RORA: variants seen among roughly 807,000 people sequenced by gnomAD.
The protein encoded by RORA is RAR related orphan receptor A.
A neutral mutation model predicts 69.5 loss-of-function variants in RORA; 7 were observed. The observed-to-expected ratio is 0.10, with a 90% CI of 0.06 to 0.19. RORA has a LOEUF of 0.19. RORA is among the 10% of genes least tolerant of loss of function. The pLI is 1.00. For missense variants in RORA, 457 were observed against 663.0 expected, an observed-to-expected ratio of 0.69 and a Z score of 3.41; for synonymous variants, 261 against 240.8, an observed-to-expected ratio of 1.08 and a Z score of -0.78.
chr15:60,714,303 C>T (rs972080471), intron 1 of RORA, among the ~76,000 whole-genome samples: 1 of 152,090 alleles, frequency 6.6e-6, no homozygotes, highest in Non-Finnish European at 1.5e-5. Context: ...AGGTGATCCA[C>T]TGGTCTCGGC....
chr15:61,026,865 G>C (rs1895843938), intron 1 of RORA, among the ~76,000 whole-genome samples: 1 of 152,068 alleles, frequency 6.6e-6, no homozygotes, highest in Non-Finnish European at 1.5e-5. Flanking sequence ...ACACCTTATG[G>C]GAGACCTGAC....
chr15:61,122,104 G>A (rs1296462559), intron 1 of RORA, among the ~76,000 whole-genome samples: 2 of 152,208 alleles, frequency 1.3e-5, no homozygotes, highest in East Asian at 3.9e-4. Context: ...CTTTGCAGGA[G>A]AGTAAACAGC....
intron 1 of RORA, among the ~76,000 whole-genome samples, chr15:60,679,398 G>T (rs2070608013): frequency 1.3e-5 from 2 of 152,186 alleles, no homozygotes; most frequent in South Asian, 4.1e-4. Flanking sequence ...ATAGAACTAA[G>T]CAACATTTGG....
chr15:60,522,560 G>A (rs549377409), intron 3 of RORA, among the ~76,000 whole-genome samples: 217 of 152,244 alleles, frequency 1.4e-3, no homozygotes, highest in African/African-American at 5.1e-3. Context: ...GATCACTTGA[G>A]GCCAGGTGTT....
At chr15:61,155,027 A>G (rs921925945) in intron 1 of RORA, among the ~76,000 whole-genome samples, 5 of 152,054 alleles carry the variant, frequency 3.3e-5, no homozygotes, top group African/African-American at 1.2e-4. Context: ...GAGTTCTAAT[A>G]TACAGTATGG....
chr15:60,786,843 C>T (rs1371737080), intron 1 of RORA, among the ~76,000 whole-genome samples: 1 of 152,208 alleles, frequency 6.6e-6, no homozygotes, highest in African/African-American at 2.4e-5. Context: ...TGTGCGAGTG[C>T]AGGTAAAGTC....
At chr15:60,911,069 ATTTTTTTTTTTTTTTTTTTTT>A (rs528370848) in intron 1 of RORA, among the ~76,000 whole-genome samples, 16,751 of 90,116 alleles carry the variant, frequency 0.19, 1,386 homozygotes, top group Middle Eastern at 0.26. Context: ...TGCCCAGCTA[ATTTTTTTTTTTTTTTTTTTTT>A]TTTTTTTTTT....
intron 1 of RORA, among the ~76,000 whole-genome samples, chr15:61,033,582 C>A (rs1196848645): frequency 6.6e-6 from 1 of 152,038 alleles, no homozygotes; most frequent in African/African-American, 2.4e-5. Flanking sequence ...GACACTCAAG[C>A]CTACAGATTT....
At chr15:60,765,166 C>A (rs2071967304) in intron 1 of RORA, 1 of 152,120 alleles carries the variant, frequency 6.6e-6, no homozygotes, top group Admixed American at 6.5e-5. Context: ...CCCCTTCTCT[C>A]TTTCCCTGAT....
intron 2 of RORA, among the ~76,000 whole-genome samples, chr15:60,645,863 A>G (rs745408382): frequency 7.2e-5 from 11 of 151,782 alleles, no homozygotes; most frequent in Non-Finnish European, 1.5e-4. Flanking sequence ...TATATACAGC[A>G]TATACATATA....
intron 1 of RORA, among the ~76,000 whole-genome samples, chr15:60,910,174 A>G (rs532470931): frequency 1.1e-4 from 17 of 152,326 alleles, no homozygotes; most frequent in Non-Finnish European, 2.1e-4. Context: ...TATTACCAAC[A>G]AATGATTACA....
intron 1 of RORA, among the ~76,000 whole-genome samples, chr15:61,117,316 T>G (rs908322291): frequency 6.6e-6 from 1 of 152,190 alleles, no homozygotes; most frequent in African/African-American, 2.4e-5. Context: ...GATTCTGTTC[T>G]TATAATTGTT....
chr15:60,672,059 C>T (rs2070482161), intron 2 of RORA, among the ~76,000 whole-genome samples: 1 of 152,280 alleles, frequency 6.6e-6, no homozygotes, highest in Non-Finnish European at 1.5e-5. Context: ...TACACTCCCG[C>T]TTGGCCAACA....
intron 1 of RORA, among the ~76,000 whole-genome samples, chr15:60,982,154 G>A (rs1326239030): frequency 1.3e-5 from 2 of 152,192 alleles, no homozygotes; most frequent in African/African-American, 2.4e-5. Context: ...TGTGTCCATT[G>A]TGTGTGGGGG....
intron 1 of RORA, among the ~76,000 whole-genome samples, chr15:60,870,999 A>G (rs576279057): frequency 5.1e-4 from 78 of 152,324 alleles, no homozygotes; most frequent in African/African-American, 1.7e-3. Flanking sequence ...TAGACAATCA[A>G]TGCAAGTTGG....
At chr15:60,880,278 C>T (rs2073664102) in intron 1 of RORA, among the ~76,000 whole-genome samples, 1 of 152,224 alleles carries the variant, frequency 6.6e-6, no homozygotes, top group Non-Finnish European at 1.5e-5. Context: ...CTCTATCTTA[C>T]TTTTGGTCCT....
intron 2 of RORA, among the ~76,000 whole-genome samples, chr15:60,639,755 C>G (rs1005137016): frequency 6.6e-6 from 1 of 152,108 alleles, no homozygotes; most frequent in African/African-American, 2.4e-5. Context: ...CTGAGCCGAC[C>G]CTGACTCACG....
chr15:60,812,517 A>T (rs1567199470), intron 1 of RORA, among the ~76,000 whole-genome samples: 1 of 152,234 alleles, frequency 6.6e-6, no homozygotes, highest in Non-Finnish European at 1.5e-5. Flanking sequence ...GTCTAAAAAT[A>T]AATAAATCAA....
intron 2 of RORA, among the ~76,000 whole-genome samples, chr15:60,650,941 C>T (rs895450255): frequency 6.6e-6 from 1 of 152,090 alleles, no homozygotes; most frequent in African/African-American, 2.4e-5. Context: ...CAAAGTTATA[C>T]AATAAATACA....
Sources: allele counts gnomAD v4.1 joint callset (sites outside exome capture counted in the v4.1 genomes callset), GRCh38; gene constraint gnomAD v4.1.1; transcripts MANE v1.5; gene names NCBI Gene and HGNC (gene_info 2026-07-23, HGNC 2026-07-21).